POU3F3: variants seen among roughly 807,000 people sequenced by gnomAD.
The protein encoded by POU3F3 is POU class 3 homeobox 3.
A neutral mutation model predicts 8.6 loss-of-function variants in POU3F3; 1 was observed. The ratio of observed to expected loss-of-function variants is 0.12; its 90% CI spans 0.04 to 0.55. The LOEUF (loss-of-function observed/expected upper bound fraction) is 0.55, where lower values mean the gene tolerates loss of function less well. Ranked by LOEUF, POU3F3 falls within the 20% of genes least tolerant of loss-of-function variation. The pLI is 0.91. For synonymous variants in POU3F3, 418 were observed against 327.4 expected (o/e 1.28, Z -2.99); for missense variants, 577 against 690.7 (o/e 0.84, Z 1.84).
upstream of POU3F3, chr2:104,853,828 TAA>T (rs1351371378): frequency 1.3e-5 from 2 of 150,808 alleles, no homozygotes; most frequent in African/African-American, 4.9e-5. Flanking sequence ...GGCCGGACAC[TAA>T]GAGTTAAGAT....
At chr2:104,907,087 C>T in the POU3F3 span, among the ~76,000 whole-genome samples, 2 of 152,140 alleles carry the variant, frequency 1.3e-5, no homozygotes, top group East Asian at 1.9e-4. Flanking sequence ...TGGGATCCTG[C>T]CCCAGCCCCT....
chr2:104,900,829 C>T, the POU3F3 span, among the ~76,000 whole-genome samples: 1 of 152,206 alleles, frequency 6.6e-6, no homozygotes, highest in African/African-American at 2.4e-5. Flanking sequence ...ACACCCTCGG[C>T]TCACTACCGA....
At chr2:104,914,222 G>A in the POU3F3 span, among the ~76,000 whole-genome samples, 1 of 152,204 alleles carries the variant, frequency 6.6e-6, no homozygotes, top group Non-Finnish European at 1.5e-5. Flanking sequence ...AACTTGGAGA[G>A]GCTGTTTTCC....
the POU3F3 span, among the ~76,000 whole-genome samples, chr2:104,913,315 A>G: frequency 6.6e-6 from 1 of 152,012 alleles, no homozygotes; most frequent in Non-Finnish European, 1.5e-5. Flanking sequence ...CTTTTCCAGC[A>G]TATCTTCTGG....
At chr2:104,865,088 C>A in the POU3F3 span, among the ~76,000 whole-genome samples, 1 of 152,228 alleles carries the variant, frequency 6.6e-6, no homozygotes, top group Admixed American at 6.5e-5. Context: ...CTGCCTCCTT[C>A]CTGAGAGTTT....
the POU3F3 span, among the ~76,000 whole-genome samples, chr2:104,923,213 A>G: frequency 6.6e-6 from 1 of 152,168 alleles, no homozygotes; most frequent in Non-Finnish European, 1.5e-5. Flanking sequence ...GAAATAAAGA[A>G]CTCAGTAAAA....
chr2:104,880,031 A>G, the POU3F3 span, among the ~76,000 whole-genome samples: 9 of 152,218 alleles, frequency 5.9e-5, no homozygotes, highest in Admixed American at 5.2e-4. Context: ...CTTTGGGCCA[A>G]TACCTGCTCG....
chr2:104,901,369 T>A, the POU3F3 span, among the ~76,000 whole-genome samples: 1 of 152,198 alleles, frequency 6.6e-6, no homozygotes, highest in Admixed American at 6.5e-5. Context: ...GAGCGATCGA[T>A]ATGTTTTGGG....
In POU3F3 at chr2:104,855,547, A is replaced by G; in HGVS notation, c.37A>G (p.Asn13Asp). ...TAASNPYLPG[N>D]SLLAAGSIVH... ...GGCTTCTAACCCCTACCTGCCGGGGAACAGCCTGCTCGCGGCCGGCTCTAT... is the reference window on the plus strand; with the variant it reads ...GGCTTCTAACCCCTACCTGCCGGGGGACAGCCTGCTCGCGGCCGGCTCTAT... The change falls in exon 1 of 1, where the codon AAC becomes GAC. Residue 13 changes from asparagine to aspartate, a missense_variant. Physicochemically the swap from Asn to Asp is conservative, Grantham distance 23. This residue lies in a region of POU3F3 where 484 missense variants were observed against 422.6 expected (regional missense o/e 1.15). Transcript: ENST00000361360. 1 of 1,034,668 alleles carries G rather than the reference A, an allele frequency of 9.7e-7. No individual in the cohort carries two copies. Among genetic ancestry groups the G allele is most frequent in the African/African-American group, 1.9e-5 (1 of 51,634 alleles). The allele number at this position is 1,034,668 out of a possible 1,614,324, so 64.1% of individuals were successfully genotyped here.
the POU3F3 span, among the ~76,000 whole-genome samples, chr2:104,868,782 G>C: frequency 1.3e-5 from 2 of 152,174 alleles, no homozygotes; most frequent in East Asian, 3.9e-4. Flanking sequence ...CAAATGAGAT[G>C]CATTTAGGCT....
chr2:104,921,035 C>T, the POU3F3 span, among the ~76,000 whole-genome samples: 3 of 152,160 alleles, frequency 2.0e-5, no homozygotes, highest in Admixed American at 2.0e-4. Context: ...TCCTCTAATA[C>T]TTAGTCCAGG....
chr2:104,869,507 T>C, the POU3F3 span, among the ~76,000 whole-genome samples: 1 of 152,000 alleles, frequency 6.6e-6, no homozygotes, highest in East Asian at 1.9e-4. Flanking sequence ...GTGGAGGGGG[T>C]GCCAGGTTCT....
chr2:104,900,760 T>C, the POU3F3 span, among the ~76,000 whole-genome samples: 1 of 152,220 alleles, frequency 6.6e-6, no homozygotes, highest in South Asian at 2.1e-4. Context: ...CAGGCAATAT[T>C]GCAAGGCTGC....
the POU3F3 span, among the ~76,000 whole-genome samples, chr2:104,913,212 G>C: frequency 6.6e-6 from 1 of 151,316 alleles, no homozygotes; most frequent in Non-Finnish European, 1.5e-5. Flanking sequence ...TTAAAGAATA[G>C]ATTCCCTGGC....
chr2:104,884,918 A>G, the POU3F3 span, among the ~76,000 whole-genome samples: 1 of 152,184 alleles, frequency 6.6e-6, no homozygotes, highest in African/African-American at 2.4e-5. Flanking sequence ...CTGAAAACAG[A>G]GCCACTTAAA....
At chr2:104,908,718 T>C in the POU3F3 span, among the ~76,000 whole-genome samples, 1 of 152,230 alleles carries the variant, frequency 6.6e-6, no homozygotes, top group African/African-American at 2.4e-5. Flanking sequence ...AGTTTAAATA[T>C]GGTTTCAGTA....
chr2:104,856,797 C>G lies in POU3F3; in HGVS notation c.1287C>G (p.Pro429=). 6.2e-7 allele frequency: 1 copy of G among 1,614,110 alleles called. No individual in the cohort carries two copies. The highest frequency in any genetic ancestry group is 8.5e-7 in the Non-Finnish European group (1 of 1,180,026). The change falls in exon 1 of 1, where the codon CCC becomes CCG. Residue 429 remains proline, a synonymous_variant. Coordinates refer to ENST00000361360, the MANE Select transcript of POU3F3 (RefSeq NM_006236.3). ...TGGAGAGCCACTTCCTCAAGTGCCC[C>G]AAGCCCTCCGCGCAGGAGATCACCA... ...GALESHFLKC[P]KPSAQEITNL...
At chr2:104,885,888 C>A in the POU3F3 span, among the ~76,000 whole-genome samples, 1 of 152,094 alleles carries the variant, frequency 6.6e-6, no homozygotes. Context: ...ACCTCTGCCT[C>A]CCAGGTTCAA....
chr2:104,926,240 A>G, the POU3F3 span, among the ~76,000 whole-genome samples: 4 of 152,224 alleles, frequency 2.6e-5, no homozygotes, highest in Admixed American at 2.6e-4. Flanking sequence ...TCTACAAAGA[A>G]CTTCAACAAA....
Sources: gnomAD v4.1 joint callset for allele counts (sites outside exome capture counted in the v4.1 genomes callset) on GRCh38, gnomAD v4.1.1 for gene constraint, gnomAD v4.1.1 regional missense constraint, MANE v1.5 for transcripts, NCBI Gene and HGNC (gene_info 2026-07-23, HGNC 2026-07-21) for gene names.